The following CAMK1D variants were observed in gnomAD, a reference collection of about 807,000 sequenced individuals.
CAMK1D encodes the protein calcium/calmodulin dependent protein kinase ID.
In CAMK1D, 9 loss-of-function variants were observed where a neutral mutation model predicts 47.7. The observed-to-expected ratio is 0.19, with a 90% CI of 0.11 to 0.33. The LOEUF (loss-of-function observed/expected upper bound fraction) is 0.33. Ranked by LOEUF, CAMK1D falls within the 10% of genes least tolerant of loss-of-function variation. The pLI is 1.00. For missense variants in CAMK1D, 291 were observed against 488.7 expected, an observed-to-expected ratio of 0.60 and a Z score of 3.81; for synonymous variants, 184 against 184.9, an observed-to-expected ratio of 0.99 and a Z score of 0.04.
At chr10:12,507,418 A>T (rs1424612527) in intron 1 of CAMK1D, among the ~76,000 whole-genome samples, 2 of 152,108 alleles carry the variant, frequency 1.3e-5, no homozygotes, top group Non-Finnish European at 2.9e-5. Context: ...AATTTCTGTT[A>T]ATCAGATGGG....
intron 2 of CAMK1D, 130 bp downstream of exon 2, chr10:12,553,486 A>G: frequency 3.0e-6 from 2 of 674,664 alleles, no homozygotes; most frequent in Non-Finnish European, 5.2e-6. Context: ...TGTGCAAACG[A>G]TAACCAACTT....
chr10:12,612,646 G>C (rs1261367343), intron 2 of CAMK1D, among the ~76,000 whole-genome samples: 3 of 152,120 alleles, frequency 2.0e-5, no homozygotes, highest in Admixed American at 6.5e-5. Context: ...GAGAGAAAGT[G>C]GGTCCTGGAT....
chr10:12,795,147 C>G (rs996439232), intron 6 of CAMK1D, among the ~76,000 whole-genome samples: 1 of 152,032 alleles, frequency 6.6e-6, no homozygotes, highest in African/African-American at 2.4e-5. Context: ...GGGAAAAGCA[C>G]CATCAAGGCG....
chr10:12,350,616 A>G (rs1837326073), intron 1 of CAMK1D, among the ~76,000 whole-genome samples: 1 of 152,234 alleles, frequency 6.6e-6, no homozygotes, highest in South Asian at 2.1e-4. Flanking sequence ...GCTGTGTCTC[A>G]AGAAAGCAGA....
At chr10:12,384,922 A>G (rs763867512) in intron 1 of CAMK1D, among the ~76,000 whole-genome samples, 2 of 152,250 alleles carry the variant, frequency 1.3e-5, no homozygotes, top group African/African-American at 4.8e-5. Flanking sequence ...AAAAACTTTT[A>G]TAACTCAATA....
At chr10:12,504,112 T>G (rs923425524) in intron 1 of CAMK1D, among the ~76,000 whole-genome samples, 13 of 141,544 alleles carry the variant, frequency 9.2e-5, no homozygotes, top group Admixed American at 5.4e-4. Flanking sequence ...AAGATGGGTG[T>G]GTGTGTGTGT....
chr10:12,608,978 A>C (rs574939310), intron 2 of CAMK1D, among the ~76,000 whole-genome samples: 1 of 152,372 alleles, frequency 6.6e-6, no homozygotes, highest in African/African-American at 2.4e-5. Flanking sequence ...CAGATGATGC[A>C]TGCCAGTAGC....
intron 2 of CAMK1D, among the ~76,000 whole-genome samples, chr10:12,579,839 C>T (rs950765619): frequency 6.6e-6 from 1 of 152,204 alleles, no homozygotes. Context: ...GATCTCTTCT[C>T]TGGATCTGTC....
At chr10:12,411,149 C>A (rs528035039) in intron 1 of CAMK1D, among the ~76,000 whole-genome samples, 174 of 152,308 alleles carry the variant, frequency 1.1e-3, no homozygotes, top group African/African-American at 3.8e-3. Flanking sequence ...GTACCTGGGC[C>A]AGCCTGGGTG....
intron 2 of CAMK1D, among the ~76,000 whole-genome samples, chr10:12,632,190 C>T (rs145773762): frequency 2.9e-4 from 44 of 152,264 alleles, no homozygotes; most frequent in African/African-American, 7.7e-4. Flanking sequence ...AATCTTTCTC[C>T]CAAATCTTTC....
chr10:12,395,993 C>T (rs1254319530), intron 1 of CAMK1D, among the ~76,000 whole-genome samples: 1 of 151,926 alleles, frequency 6.6e-6, no homozygotes, highest in Non-Finnish European at 1.5e-5. Context: ...CCTGCCTCAG[C>T]CTCCCGAGTA....
intron 1 of CAMK1D, among the ~76,000 whole-genome samples, chr10:12,432,136 C>G (rs1034124297): frequency 1.3e-5 from 2 of 152,218 alleles, no homozygotes; most frequent in Non-Finnish European, 2.9e-5. Flanking sequence ...CTCTGAGAGC[C>G]TGGGAGCTCT....
At position 12,825,738 on chromosome 10, in the gene CAMK1D, G is replaced by T. The variant is rs760426088; in HGVS notation, c.1039+48G>T. ...ATCCCTCAGCTGACACTGAAGACGA[G>T]CCTGGGGTGGAGAGGAGGGAGCCGG... On this transcript the variant is annotated intron_variant, in intron 10 of 10. Transcript: ENST00000619168. The T allele has an allele frequency of 1.1e-4, 180 of 1,613,092 alleles. 2 individuals carry two copies. The South Asian group carries it at 1.9e-3, about 17-fold the overall frequency.
intron 2 of CAMK1D, among the ~76,000 whole-genome samples, chr10:12,616,232 G>T (rs1197982661): frequency 6.6e-6 from 1 of 152,114 alleles, no homozygotes; most frequent in Non-Finnish European, 1.5e-5. Context: ...GAAATAGGAA[G>T]AAATAAAATT....
At chr10:12,751,494 C>T (rs890118246) in intron 3 of CAMK1D, among the ~76,000 whole-genome samples, 18 of 152,264 alleles carry the variant, frequency 1.2e-4, no homozygotes, top group African/African-American at 3.1e-4. Context: ...GGGTAAACAG[C>T]GGTAAATGAG....
At chr10:12,542,811 C>T (rs986001848) in intron 1 of CAMK1D, among the ~76,000 whole-genome samples, 5 of 150,626 alleles carry the variant, frequency 3.3e-5, no homozygotes, top group Non-Finnish European at 7.4e-5. Flanking sequence ...AGTGTGAACT[C>T]AGCTCGCTGC....
At chr10:12,630,096 C>T (rs1839332515) in intron 2 of CAMK1D, among the ~76,000 whole-genome samples, 2 of 152,166 alleles carry the variant, frequency 1.3e-5, no homozygotes, top group African/African-American at 4.8e-5. Context: ...GAGATGGCCT[C>T]TACAGTTCTT....
At chr10:12,741,970 G>T (rs1835452372) in intron 3 of CAMK1D, among the ~76,000 whole-genome samples, 1 of 152,162 alleles carries the variant, frequency 6.6e-6, no homozygotes, top group East Asian at 1.9e-4. Context: ...CTAAGAGCTG[G>T]CCTCAGCCAA....
At chr10:12,499,253 T>C (rs1008941291) in intron 1 of CAMK1D, among the ~76,000 whole-genome samples, 3 of 152,136 alleles carry the variant, frequency 2.0e-5, no homozygotes, top group Non-Finnish European at 2.9e-5. Context: ...GCTGAACTGA[T>C]GAGGTCACTT....
Sources: allele counts gnomAD v4.1 joint callset (sites outside exome capture counted in the v4.1 genomes callset), GRCh38; gene constraint gnomAD v4.1.1; transcripts MANE v1.5; gene names NCBI Gene and HGNC (gene_info 2026-07-23, HGNC 2026-07-21).